The following EDA variants were observed in gnomAD, a reference collection of about 807,000 sequenced individuals.
EDA encodes ectodysplasin-A.
Under a neutral mutation model 23.6 loss-of-function variants are expected in EDA, and 2 were observed. That is an observed-to-expected ratio of 0.08 (90% CI 0.03 to 0.27). The LOEUF (loss-of-function observed/expected upper bound fraction) is 0.27, where lower values mean the gene tolerates loss of function less well. EDA is among the 10% of genes least tolerant of loss of function. The pLI is 1.00. For missense variants in EDA, 229 were observed against 324.2 expected, an observed-to-expected ratio of 0.71 and a Z score of 2.26; for synonymous variants, 131 against 132.0, an observed-to-expected ratio of 0.99 and a Z score of 0.05.
intron 1 of EDA, among the ~76,000 whole-genome samples, chrX:69,678,236 A>C (rs1170488955): frequency 4.6e-5 from 5 of 109,477 alleles, no homozygotes; most frequent in African/African-American, 6.6e-5. Flanking sequence ...CTTGTAGTAT[A>C]GTTTGAAGTC....
rs62604166 is a variant in EDA, at chrX:69,706,736, G to A, written c.396+90032G>A. Among the ~76,000 whole-genome samples, 559 of 111,922 alleles carry A rather than the reference G, an allele frequency of 5.0e-3. 2 individuals carry two copies. Among genetic ancestry groups the A allele is most frequent in the South Asian group, 0.01 (27 of 2,663 alleles). On this transcript the variant is annotated intron_variant, in intron 1 of 7. Transcript: ENST00000374552. The stretch of plus-strand genomic sequence containing the variant: ...GAAAGGAATGTCTATGTTGAGATAA[G>A]AGGTTGTGGAGACCAAGGTTTTATC...
rs143502011 is a variant in EDA at position 69,797,116 on chromosome X, T to C, written c.397-159911T>C. Reference sequence around the variant, plus strand: ...CCATAAAGTGAACAAATACTTGAGTTATCTAGAAGGCAAGCGGATAATAAA... The same window carrying C: ...CCATAAAGTGAACAAATACTTGAGTCATCTAGAAGGCAAGCGGATAATAAA... On this transcript the variant is annotated intron_variant, in intron 1 of 7. Transcript: ENST00000374552. Among the ~76,000 whole-genome samples the C allele has an allele frequency of 2.0e-3, 219 of 111,216 alleles. 1 individual carries two copies. Among genetic ancestry groups the C allele is most frequent in the African/African-American group, 6.7e-3 (204 of 30,652 alleles).
At chrX:69,897,505 GT>G (rs775255549) in intron 1 of EDA, among the ~76,000 whole-genome samples, 1 of 111,847 alleles carries the variant, frequency 8.9e-6, no homozygotes, top group Non-Finnish European at 1.9e-5. Flanking sequence ...TTAATCCAGG[GT>G]TTTACTTTTA....
intron 1 of EDA, among the ~76,000 whole-genome samples, chrX:69,850,299 G>A (rs2017099650): frequency 8.9e-6 from 1 of 112,205 alleles, no homozygotes; most frequent in Non-Finnish European, 1.9e-5. Context: ...AGTAGAGTTG[G>A]TCTGATTCAG....
intron 1 of EDA, among the ~76,000 whole-genome samples, chrX:69,775,917 TTAACTGATCCTA>T (rs2014769591): frequency 8.9e-6 from 1 of 111,900 alleles, no homozygotes; most frequent in Admixed American, 9.5e-5. Context: ...CATTACTTAA[TTAACTGATCCTA>T]AAACTTCAAA....
intron 1 of EDA, among the ~76,000 whole-genome samples, chrX:69,800,150 T>A (rs1374484667): frequency 8.9e-6 from 1 of 111,809 alleles, no homozygotes; most frequent in Non-Finnish European, 1.9e-5. Context: ...CACTCATATG[T>A]GGGAGCTACA....
intron 1 of EDA, among the ~76,000 whole-genome samples, chrX:69,895,769 C>T (rs771881911): frequency 2.7e-5 from 3 of 111,470 alleles, no homozygotes; most frequent in African/African-American, 9.8e-5. Flanking sequence ...CTTTCCACAG[C>T]GGTAATTATC....
intron 1 of EDA, among the ~76,000 whole-genome samples, chrX:69,711,701 T>C (rs760192253): frequency 1.8e-5 from 2 of 111,835 alleles, no homozygotes; most frequent in East Asian, 2.8e-4. Context: ...GAGATTCAAC[T>C]TCTTCCTGGT....
intron 1 of EDA, among the ~76,000 whole-genome samples, chrX:69,828,276 A>C (rs924920816): frequency 8.9e-6 from 1 of 112,304 alleles, no homozygotes; most frequent in Admixed American, 9.4e-5. Flanking sequence ...AGCCTGGGCA[A>C]TGGTGGGCGC....
chrX:69,835,671 C>G (rs1462201822), intron 1 of EDA, among the ~76,000 whole-genome samples: 1 of 111,434 alleles, frequency 9.0e-6, no homozygotes, highest in East Asian at 2.8e-4. Flanking sequence ...CCTCTTTTAG[C>G]TTGGAGAAAT....
At chrX:69,897,892 A>G (rs2018042044) in intron 1 of EDA, among the ~76,000 whole-genome samples, 1 of 111,944 alleles carries the variant, frequency 8.9e-6, no homozygotes, top group Admixed American at 9.5e-5. Flanking sequence ...TTAAGGTACA[A>G]AAGACTATTA....
chrX:69,904,548 A>T (rs1054708238), intron 1 of EDA, among the ~76,000 whole-genome samples: 1 of 111,491 alleles, frequency 9.0e-6, no homozygotes, highest in Admixed American at 9.5e-5. Flanking sequence ...ATAGGGTCTC[A>T]CTATTTGCCC....
chrX:69,901,370 G>A (rs994654376), intron 1 of EDA, among the ~76,000 whole-genome samples: 1 of 112,082 alleles, frequency 8.9e-6, no homozygotes, highest in Admixed American at 9.5e-5. Flanking sequence ...AAATGTAATT[G>A]AATAAGAAAT....
chrX:69,849,299 T>C (rs1177419844), intron 1 of EDA, among the ~76,000 whole-genome samples: 1 of 111,748 alleles, frequency 8.9e-6, no homozygotes, highest in Non-Finnish European at 1.9e-5. Flanking sequence ...AGTGCTAAAC[T>C]GAATTAAGCC....
intron 1 of EDA, among the ~76,000 whole-genome samples, chrX:69,676,507 C>CGT (rs1934088077): frequency 9.3e-6 from 1 of 107,803 alleles, no homozygotes; most frequent in Non-Finnish European, 1.9e-5. Flanking sequence ...TGTGTGCGCG[C>CGT]GCGCACGTGT....
chrX:70,001,145 A>G (rs948638853), intron 2 of EDA, among the ~76,000 whole-genome samples: 8 of 111,918 alleles, frequency 7.1e-5, no homozygotes, highest in Non-Finnish European at 5.6e-5. Context: ...TCAAAGTATT[A>G]GCAGCACCTC....
intron 1 of EDA, among the ~76,000 whole-genome samples, chrX:69,732,540 A>T (rs955815206): frequency 8.9e-6 from 1 of 112,481 alleles, no homozygotes; most frequent in African/African-American, 3.2e-5. Flanking sequence ...TGCTGTTGTG[A>T]ATAGTGCCAC....
Position 69,670,183 on chromosome X carries a change from G to GTTTTTTT in EDA, c.396+53492_396+53498dup, listed in dbSNP as rs544601085. 7.8e-3 allele frequency: 1,827 copies of GTTTTTTT among 234,771 alleles called. 65 individuals carry two copies. The highest frequency in any genetic ancestry group is 0.011 in the South Asian group (59 of 5,445). 19.3% of individuals were successfully genotyped at this position (234,771 alleles called of 1,213,427 possible). On this transcript the variant is annotated intron_variant, in intron 1 of 7. Coordinates refer to ENST00000374552, the MANE Select transcript of EDA (RefSeq NM_001399.5). ...CTGGGTATAGTATTCTTGGCTGACT[G>GTTTTTTT]TTTTTTTTTTTTTTTTTTTCTTTCA...
At chrX:69,825,169 T>A (rs1475556713) in intron 1 of EDA, among the ~76,000 whole-genome samples, 1 of 102,229 alleles carries the variant, frequency 9.8e-6, no homozygotes, top group East Asian at 3.2e-4. Flanking sequence ...CTTTTTTGGT[T>A]GTGTCTCTGC....
Sources: allele counts gnomAD v4.1 joint callset (sites outside exome capture counted in the v4.1 genomes callset), GRCh38; gene constraint gnomAD v4.1.1; transcripts MANE v1.5; gene names NCBI Gene and HGNC (gene_info 2026-07-23, HGNC 2026-07-21).